DOK6: variants seen among roughly 807,000 people sequenced by gnomAD.
The protein encoded by DOK6 is docking protein 6.
Under a neutral mutation model 44.0 loss-of-function variants are expected in DOK6, and 22 were observed. The ratio of observed to expected loss-of-function variants is 0.50; its 90% confidence interval spans 0.36 to 0.71. The LOEUF is 0.71. Ranked by LOEUF, DOK6 falls within the 30% of genes least tolerant of loss-of-function variation. The probability of loss-of-function intolerance (pLI) is 0.00; values close to 1 mark genes in which losing one functional copy is unlikely to be tolerated. For synonymous variants in DOK6, 166 were observed against 145.5 expected, an observed-to-expected ratio of 1.14 and a Z score of -1.01; for missense variants, 340 against 416.4, an observed-to-expected ratio of 0.82 and a Z score of 1.60.
intron 3 of DOK6, among the ~76,000 whole-genome samples, chr18:69,667,394 C>T (rs1599252548): frequency 6.6e-6 from 1 of 152,320 alleles, no homozygotes; most frequent in East Asian, 1.9e-4. Context: ...TTCTCTCCTG[C>T]TTTCTCTTGC....
intron 3 of DOK6, among the ~76,000 whole-genome samples, chr18:69,649,487 C>A (rs1286573722): frequency 6.6e-6 from 1 of 152,108 alleles, no homozygotes; most frequent in Non-Finnish European, 1.5e-5. Flanking sequence ...TTTGCGGCTT[C>A]TTTTAGGATA....
chr18:69,743,831 A>AC (rs1346626450), intron 6 of DOK6, among the ~76,000 whole-genome samples: 1 of 151,884 alleles, frequency 6.6e-6, no homozygotes. Flanking sequence ...AAAAAAAAAA[A>AC]AAAAACAGCA....
intron 1 of DOK6, among the ~76,000 whole-genome samples, chr18:69,489,789 T>G (rs1379172551): frequency 6.6e-6 from 1 of 152,188 alleles, no homozygotes; most frequent in Non-Finnish European, 1.5e-5. Context: ...AGGTTGATAT[T>G]TTATTAGCTG....
intron 5 of DOK6, among the ~76,000 whole-genome samples, chr18:69,735,386 A>G (rs1446733021): frequency 1.3e-5 from 2 of 152,256 alleles, no homozygotes; most frequent in Non-Finnish European, 2.9e-5. Context: ...AAGACTCAGA[A>G]AAACACATTA....
chr18:69,841,441 T>C lies in DOK6; in HGVS notation c.*58T>C, dbSNP rs1280294295. The C allele has an allele frequency of 1.3e-6, 2 of 1,599,482 alleles. No homozygotes were observed. The highest frequency in any genetic ancestry group is 1.7e-6 in the Non-Finnish European group (2 of 1,170,536). ...GTCTGTCCTGGACCCGTCTGTGGGG[T>C]CATTACCCTCTGCCTCCTGGAAGAC... On this transcript the variant is annotated 3_prime_UTR_variant, in exon 8 of 8. Transcript: ENST00000382713.
chr18:69,578,267 AC>A (rs1317665452), intron 2 of DOK6, among the ~76,000 whole-genome samples: 5 of 152,182 alleles, frequency 3.3e-5, no homozygotes, highest in African/African-American at 1.2e-4. Context: ...TATAATTTAA[AC>A]AACATATTTC....
At chr18:69,757,725 G>A (rs377468169) in intron 6 of DOK6, 31 bp from the exon 7 acceptor site, 487 of 1,569,692 alleles carry the variant, frequency 3.1e-4, no homozygotes, top group Non-Finnish European at 4.1e-4. Flanking sequence ...ATTTTAAAAC[G>A]AGGCCTAAAA....
rs552763606 is a variant in DOK6 at position 69,514,532 on chromosome 18, A to T, written c.67-49955A>T. 5.1e-4 allele frequency among the ~76,000 whole-genome samples: 77 copies of T among 151,786 alleles called. No homozygotes were observed. In the South Asian group the frequency reaches 0.016, roughly 31 times the overall value. On this transcript the variant is annotated intron_variant, in intron 1 of 7. Coordinates refer to ENST00000382713, the MANE Select transcript of DOK6 (RefSeq NM_152721.6). ...AAATAACTCATCTGATTCATATAGG[A>T]ACTTTAAAATGAAAAACATAGAGTA... is the stretch of plus-strand genomic sequence containing the variant.
At chr18:69,628,195 A>G (rs1340542490) in intron 3 of DOK6, among the ~76,000 whole-genome samples, 1 of 152,102 alleles carries the variant, frequency 6.6e-6, no homozygotes, top group African/African-American at 2.4e-5. Context: ...TGTGTCATCA[A>G]ATGTTTGGGG....
At chr18:69,401,406 A>T in intron 1 of DOK6, 96 bp downstream of exon 1, 1 of 1,264,510 alleles carries the variant, frequency 7.9e-7, no homozygotes, top group Non-Finnish European at 1.0e-6. Context: ...GTGCGGGTAC[A>T]GGGCAGAGAG....
intron 1 of DOK6, 90 bp downstream of exon 1, chr18:69,401,400 G>C (rs1599113486): frequency 7.3e-7 from 1 of 1,370,152 alleles, no homozygotes; most frequent in Non-Finnish European, 9.6e-7. Flanking sequence ...TGACCCGTGC[G>C]GGTACAGGGC....
At chr18:69,790,659 T>C (rs1475757290) in intron 7 of DOK6, among the ~76,000 whole-genome samples, 1 of 152,284 alleles carries the variant, frequency 6.6e-6, no homozygotes, top group Non-Finnish European at 1.5e-5. Flanking sequence ...ATTTTATTTT[T>C]GTAAGTACAT....
At chr18:69,790,649 A>T (rs1421635252) in intron 7 of DOK6, among the ~76,000 whole-genome samples, 2 of 151,916 alleles carry the variant, frequency 1.3e-5, no homozygotes, top group Non-Finnish European at 2.9e-5. Context: ...TAGAAATTTT[A>T]TTTTATTTTT....
At chr18:69,534,176 C>A (rs1272006607) in intron 1 of DOK6, among the ~76,000 whole-genome samples, 2 of 152,134 alleles carry the variant, frequency 1.3e-5, no homozygotes, top group Admixed American at 6.6e-5. Flanking sequence ...TATTAAGTGG[C>A]AGTTTTAATG....
intron 2 of DOK6, among the ~76,000 whole-genome samples, chr18:69,595,313 T>C (rs1159496239): frequency 1.3e-5 from 2 of 152,202 alleles, no homozygotes; most frequent in Non-Finnish European, 2.9e-5. Context: ...AACTTTAATT[T>C]TTCTGTCAGA....
At chr18:69,586,329 T>G (rs1187518459) in intron 2 of DOK6, among the ~76,000 whole-genome samples, 1 of 152,176 alleles carries the variant, frequency 6.6e-6, no homozygotes, top group Non-Finnish European at 1.5e-5. Context: ...ACCCGGAGAC[T>G]CCTCATAATT....
intron 1 of DOK6, among the ~76,000 whole-genome samples, chr18:69,522,207 A>G (rs1433205134): frequency 6.6e-6 from 1 of 151,506 alleles, no homozygotes; most frequent in Non-Finnish European, 1.5e-5. Context: ...TTCAAAACAA[A>G]CCACACACAC....
chr18:69,815,047 G>A (rs1981356935), intron 7 of DOK6, among the ~76,000 whole-genome samples: 1 of 152,146 alleles, frequency 6.6e-6, no homozygotes, highest in Non-Finnish European at 1.5e-5. Context: ...GGAAGGAGCT[G>A]CGTGCTCTGT....
intron 3 of DOK6, among the ~76,000 whole-genome samples, chr18:69,629,944 G>T (rs538648733): frequency 1.6e-4 from 24 of 151,826 alleles, no homozygotes; most frequent in African/African-American, 5.6e-4. Context: ...GTGCTAATTT[G>T]TAGTAGAGAT....
Sources: gnomAD v4.1 joint callset for allele counts (sites outside exome capture counted in the v4.1 genomes callset) on GRCh38, gnomAD v4.1.1 for gene constraint, MANE v1.5 for transcripts, NCBI Gene and HGNC (gene_info 2026-07-23, HGNC 2026-07-21) for gene names.